THSD7A: variants seen among roughly 807,000 people sequenced by gnomAD.
THSD7A encodes thrombospondin type-1 domain-containing protein 7A.
THSD7A carries 96 observed loss-of-function variants against 231.3 expected under a neutral mutation model. The observed-to-expected ratio is 0.41, with a 90% CI of 0.35 to 0.49. THSD7A has a LOEUF of 0.49. THSD7A is among the 20% of genes least tolerant of loss of function. The pLI, the probability that THSD7A is intolerant of heterozygous loss-of-function variation, is 0.05. For missense variants in THSD7A, 2,290 were observed against 2,070.2 expected, an observed-to-expected ratio of 1.11 and a Z score of -2.06; for synonymous variants, 940 against 743.3, an observed-to-expected ratio of 1.26 and a Z score of -4.30.
intron 16 of THSD7A, among the ~76,000 whole-genome samples, chr7:11,422,084 C>G (rs1052540316): frequency 6.6e-6 from 1 of 152,100 alleles, no homozygotes; most frequent in African/African-American, 2.4e-5. Flanking sequence ...AAGTTGTAGA[C>G]AAAGGGTTGA....
chr7:11,528,056 A>T (rs932238726), intron 6 of THSD7A, among the ~76,000 whole-genome samples: 1 of 152,182 alleles, frequency 6.6e-6, no homozygotes, highest in Non-Finnish European at 1.5e-5. Context: ...TGTCCCAGCT[A>T]CTTGGAAGGC....
At chr7:11,435,569 T>G (rs1784606832) in intron 13 of THSD7A, among the ~76,000 whole-genome samples, 1 of 152,078 alleles carries the variant, frequency 6.6e-6, no homozygotes, top group Non-Finnish European at 1.5e-5. Context: ...TCAGGTGAGC[T>G]TTCTGTTTGG....
chr7:11,412,532 G>T, intron 18 of THSD7A, 124 bp downstream of exon 18: 2 of 1,133,536 alleles, frequency 1.8e-6, no homozygotes, highest in South Asian at 1.8e-5. Context: ...AATTATTTCT[G>T]GGAAAGTAAG....
At chr7:11,815,993 C>G (rs753453513) in intron 1 of THSD7A, among the ~76,000 whole-genome samples, 1 of 152,092 alleles carries the variant, frequency 6.6e-6, no homozygotes. Context: ...TATAGCCTTT[C>G]TCCATTGTGT....
Position 11,411,365 on chromosome 7 carries a change from A to G in THSD7A, c.3683-43T>C. 1 of 1,370,672 alleles carries G rather than the reference A, an allele frequency of 7.3e-7. No individual in the cohort carries two copies. Among genetic ancestry groups the G allele is most frequent in the Non-Finnish European group, 1.0e-6 (1 of 973,646 alleles). 84.9% of individuals were successfully genotyped at this position (1,370,672 alleles called of 1,614,324 possible). ...CCATCAGAACAGAAGGCTAAGTAAG[A>G]AACAGATTTCAAATGAAACTCTGAT... On this transcript the variant is annotated intron_variant, in intron 18 of 27. Transcript: ENST00000423059. The surrounding 1 kb of genome is among the most constrained non-coding windows in gnomAD (Gnocchi z 4.1).
intron 4 of THSD7A, among the ~76,000 whole-genome samples, chr7:11,564,045 T>C (rs7799490): frequency 0.57 from 86,278 of 151,988 alleles, 24,771 homozygotes; most frequent in Middle Eastern, 0.67. Flanking sequence ...GACTTTTCTG[T>C]TTATTCTTTT....
chr7:11,391,177 G>T (rs1446412553), intron 23 of THSD7A, among the ~76,000 whole-genome samples: 2 of 152,188 alleles, frequency 1.3e-5, no homozygotes, highest in African/African-American at 2.4e-5. Flanking sequence ...GTTTAAGTCT[G>T]CCTAAGCTGC....
chr7:11,539,506 T>A (rs1452571441), intron 6 of THSD7A, among the ~76,000 whole-genome samples: 1 of 152,216 alleles, frequency 6.6e-6, no homozygotes, highest in Non-Finnish European at 1.5e-5. Context: ...CTCATTTGTA[T>A]TGTGAGTTAT....
rs376366054 is a variant in THSD7A at position 11,407,391 on chromosome 7, C to T, written c.3831G>A (p.Thr1277=). 103 of 1,613,376 alleles carry T rather than the reference C, an allele frequency of 6.4e-5. No homozygotes were observed. Among genetic ancestry groups the T allele is most frequent in the Non-Finnish European group, 8.1e-5 (96 of 1,179,712 alleles). The change falls in exon 20 of 28, where the codon ACG becomes ACA. Residue 1277 remains threonine (T), a synonymous_variant. Transcript: ENST00000423059. ...LGLEKNWQMN[T]SCMVECPVNC... is the part of the protein sequence containing the mutation. The stretch of plus-strand genomic sequence containing the variant: ...TCACAGGGCATTCCACCATGCAGGA[C>T]GTGTTCATCTGCCAGTTCTTCTCCA...
chr7:11,788,059 T>C lies in THSD7A; in HGVS notation c.190+43698A>G, dbSNP rs553758649. ...ATCTTGGCTACAAGGTTGGTCTTTT[T>C]TGTGTGTTTTCCTTCTTCCTCTTAA... On this transcript the variant is annotated intron_variant, in intron 1 of 27. Transcript: ENST00000423059. 5.9e-5 allele frequency among the ~76,000 whole-genome samples: 9 copies of C among 151,986 alleles called. No individual in the cohort carries two copies. The East Asian group carries it at 1.2e-3, about 20-fold the overall frequency.
At chr7:11,773,110 G>T (rs984732090) in intron 1 of THSD7A, among the ~76,000 whole-genome samples, 9 of 152,104 alleles carry the variant, frequency 5.9e-5, no homozygotes, top group Admixed American at 4.6e-4. Flanking sequence ...TCATATGTTT[G>T]CTTGCAAAGA....
intron 1 of THSD7A, among the ~76,000 whole-genome samples, chr7:11,682,366 A>T (rs1783901568): frequency 6.6e-6 from 1 of 152,118 alleles, no homozygotes; most frequent in Admixed American, 6.6e-5. Context: ...TCTATCTCAA[A>T]TGTAATGATG....
At chr7:11,614,936 T>C (rs1312133306) in intron 2 of THSD7A, among the ~76,000 whole-genome samples, 1 of 152,180 alleles carries the variant, frequency 6.6e-6, no homozygotes, top group African/African-American at 2.4e-5. Context: ...TTCAATAATA[T>C]GTTGATGATG....
At chr7:11,735,883 T>C (rs1204544163) in intron 1 of THSD7A, among the ~76,000 whole-genome samples, 1 of 151,950 alleles carries the variant, frequency 6.6e-6, no homozygotes, top group Non-Finnish European at 1.5e-5. Flanking sequence ...GAAAATATTC[T>C]TCATTATGTG....
intron 6 of THSD7A, among the ~76,000 whole-genome samples, chr7:11,488,347 T>C (rs569269568): frequency 3.9e-5 from 6 of 152,100 alleles, no homozygotes; most frequent in Non-Finnish European, 7.4e-5. Context: ...GAGTCTCATA[T>C]TTGCATGGAC....
At chr7:11,413,622 T>C (rs532466642) in intron 17 of THSD7A, among the ~76,000 whole-genome samples, 4 of 152,178 alleles carry the variant, frequency 2.6e-5, no homozygotes, top group Non-Finnish European at 5.9e-5. Context: ...ATAGTTTAAA[T>C]AACAGGCTTT....
At chr7:11,567,004 G>A (rs1374852523) in intron 4 of THSD7A, among the ~76,000 whole-genome samples, 1 of 127,390 alleles carries the variant, frequency 7.8e-6, no homozygotes, top group African/African-American at 3.2e-5. Flanking sequence ...TAAAGTTGTT[G>A]TTCCTGTTTA....
At chr7:11,820,939 CCTT>C (rs1562578928) in intron 1 of THSD7A, 1 of 1,002,362 alleles carries the variant, frequency 1.0e-6, no homozygotes, top group African/African-American at 1.6e-5. Context: ...AGATCTCTCT[CCTT>C]ATGTTTTTTA....
At chr7:11,508,314 A>G (rs1285720648) in intron 6 of THSD7A, among the ~76,000 whole-genome samples, 3 of 152,228 alleles carry the variant, frequency 2.0e-5, no homozygotes, top group African/African-American at 7.2e-5. Context: ...CAAGTATTTG[A>G]AAAAATGTTC....
Sources: gnomAD v4.1 joint callset for allele counts (sites outside exome capture counted in the v4.1 genomes callset) on GRCh38, gnomAD v4.1.1 for gene constraint, Gnocchi (gnomAD v3.1) non-coding constraint, MANE v1.5 for transcripts, NCBI Gene and HGNC (gene_info 2026-07-23, HGNC 2026-07-21) for gene names.